Variants in MAEA observed in about 807,000 individuals in gnomAD.
MAEA encodes E3 ubiquitin-protein transferase MAEA.
MAEA carries 22 observed loss-of-function variants against 46.2 expected under a neutral mutation model. That is an observed-to-expected ratio of 0.48 (90% CI 0.34 to 0.68). The LOEUF is 0.68. Ranked by LOEUF, MAEA falls within the 30% of genes least tolerant of loss-of-function variation. MAEA has a pLI of 0.01. For synonymous variants in MAEA, 246 were observed against 222.6 expected (o/e 1.11, Z -0.94); for missense variants, 393 against 558.1 (o/e 0.70, Z 2.98).
chr4:1,335,036 TC>T, intron 6 of MAEA: 1 of 985,296 alleles, frequency 1.0e-6, no homozygotes, highest in Non-Finnish European at 1.2e-6. Flanking sequence ...TGTGGCCGTC[TC>T]CCCCCAAGCT....
rs184644176 is a variant in MAEA at position 1,311,565 on chromosome 4, C to T, written c.70-414C>T. Among the ~76,000 whole-genome samples the T allele has an allele frequency of 1.3e-5, 2 of 152,144 alleles. No individual in the cohort carries two copies. Among genetic ancestry groups the T allele is most frequent in the East Asian group, 1.9e-4 (1 of 5,172 alleles). On this transcript the variant is annotated intron_variant, in intron 1 of 8. Transcript: ENST00000303400. This position sits in a 1 kb window ranked among gnomAD's most constrained non-coding sequence, Gnocchi z 4.4. ...CGCCCCATGCACCCTTGTCCCTGCC[C>T]GGCCTGGCCTCGTGTGGTGGCGCCT...
At chr4:1,308,902 A>G (rs1245900092) in intron 1 of MAEA, among the ~76,000 whole-genome samples, 1 of 152,108 alleles carries the variant, frequency 6.6e-6, no homozygotes, top group Non-Finnish European at 1.5e-5. Flanking sequence ...AGTTTGATGT[A>G]GTCCCATTTG....
intron 3 of MAEA, among the ~76,000 whole-genome samples, chr4:1,321,777 C>T (rs891610640): frequency 6.6e-6 from 1 of 152,154 alleles, no homozygotes; most frequent in African/African-American, 2.4e-5. Flanking sequence ...TGCCAGAGAC[C>T]ATGGGTTCCA....
In MAEA at chr4:1,311,036, C is replaced by T. The variant is rs976367478; in HGVS notation, c.70-943C>T. ...CACGAGGTCGAGGCGTGCCCAGGGC[C>T]GGGGGAGCAGGCGGTACCCGAGAGT... is the stretch of plus-strand genomic sequence containing the variant. On this transcript the variant is annotated intron_variant, in intron 1 of 8. Coordinates refer to ENST00000303400, the MANE Select transcript of MAEA (RefSeq NM_001017405.3). This position sits in a 1 kb window ranked among gnomAD's most constrained non-coding sequence, Gnocchi z 4.4. Among the ~76,000 whole-genome samples the T allele has an allele frequency of 4.7e-5, 7 of 149,084 alleles. No homozygotes were observed. The highest frequency in any genetic ancestry group is 4.3e-4 in the South Asian group (2 of 4,666).
intron 5 of MAEA, chr4:1,328,949 G>A (rs916433097): frequency 3.9e-5 from 39 of 991,922 alleles, no homozygotes; most frequent in Non-Finnish European, 4.6e-5. Context: ...GCGGGGACAC[G>A]GCCAGGGGCC....
At chr4:1,298,580 G>A (rs1474863481) in intron 1 of MAEA, among the ~76,000 whole-genome samples, 1 of 152,228 alleles carries the variant, frequency 6.6e-6, no homozygotes, top group Non-Finnish European at 1.5e-5. Flanking sequence ...AGACACTGCT[G>A]AGACCCATGA....
At chr4:1,300,786 G>C (rs1264911737) in intron 1 of MAEA, among the ~76,000 whole-genome samples, 1 of 152,258 alleles carries the variant, frequency 6.6e-6, no homozygotes, top group African/African-American at 2.4e-5. Context: ...TGCGAGCTTT[G>C]TAGGGCGCAA....
rs78057925 is a variant in MAEA, at chr4:1,293,210, G to GT, written c.69+3239dup. ...CCTTGCTTTCATTATTTTGTAAAAGGTTTTTTTTTTTCTGATTATAAAAGT... is the reference window on the plus strand; with the variant it reads ...CCTTGCTTTCATTATTTTGTAAAAGGTTTTTTTTTTTTCTGATTATAAAAGT... On this transcript the variant is annotated intron_variant, in intron 1 of 8. Transcript: ENST00000303400. Among the ~76,000 whole-genome samples, 273 of 147,684 alleles carry GT rather than the reference G, an allele frequency of 1.8e-3. 1 individual carries two copies. Among genetic ancestry groups the GT allele is most frequent in the Middle Eastern group, 3.5e-3 (1 of 286 alleles).
chr4:1,298,003 A>G (rs2293635), intron 1 of MAEA: 179,889 of 455,536 alleles, frequency 0.39, 39,304 homozygotes, highest in Non-Finnish European at 0.47. Flanking sequence ...TGCACTGGCC[A>G]CAGAAGCCGC....
intron 8 of MAEA, 169 bp downstream of exon 8, chr4:1,338,786 AG>A (rs1713150103): frequency 1.4e-6 from 1 of 700,914 alleles, no homozygotes; most frequent in African/African-American, 1.9e-5. Flanking sequence ...CCATCGGGAC[AG>A]GGCTGTGTGG....
intron 1 of MAEA, chr4:1,309,398 C>T: frequency 7.9e-7 from 1 of 1,259,530 alleles, no homozygotes; most frequent in Non-Finnish European, 1.0e-6. Context: ...GGCCCGGAGT[C>T]ACGTGCTGAG....
chr4:1,333,194 T>C (rs1209288885), intron 6 of MAEA, among the ~76,000 whole-genome samples: 2 of 151,834 alleles, frequency 1.3e-5, no homozygotes, highest in African/African-American at 4.8e-5. Context: ...TTTTGAAAAT[T>C]AGCTGGGCAT....
At chr4:1,323,488 C>G (rs1560369666) in intron 4 of MAEA, 1 of 702,556 alleles carries the variant, frequency 1.4e-6, no homozygotes, top group African/African-American at 1.7e-5. Context: ...GACACACTGC[C>G]ACTCAGGGCC....
chr4:1,324,325 G>A (rs1230267951), intron 4 of MAEA, among the ~76,000 whole-genome samples: 1 of 148,514 alleles, frequency 6.7e-6, no homozygotes, highest in Non-Finnish European at 1.5e-5. Flanking sequence ...AGATTGGTTT[G>A]GATGAAGTTG....
In MAEA at chr4:1,332,956, G is replaced by A. The variant is rs541654466; in HGVS notation, c.765+91G>A. The A allele has an allele frequency of 1.1e-5, 10 of 918,910 alleles. No homozygotes were observed. In the East Asian group the frequency reaches 2.7e-4, roughly 24 times the overall value. 56.9% of individuals were successfully genotyped at this position (918,910 alleles called of 1,614,324 possible). A position where few individuals can be genotyped will look rare whatever the true frequency, so the allele number is the denominator to read the frequency against. Reference sequence around the variant, plus strand: ...GTAGCTGCTTCCACACGTGGGGCGGGACGTGAGGGCCCCATCCCAGCCACA... The same window carrying A: ...GTAGCTGCTTCCACACGTGGGGCGGAACGTGAGGGCCCCATCCCAGCCACA... On this transcript the variant is annotated intron_variant, in intron 6 of 8. Transcript: ENST00000303400.
intron 3 of MAEA, among the ~76,000 whole-genome samples, chr4:1,317,416 C>T (rs1319017633): frequency 1.3e-5 from 2 of 151,416 alleles, no homozygotes; most frequent in East Asian, 3.9e-4. Context: ...CCACCTGGCC[C>T]CACCCTCTTG....
At chr4:1,327,950 C>T (rs561502608) in intron 5 of MAEA, among the ~76,000 whole-genome samples, 21 of 152,286 alleles carry the variant, frequency 1.4e-4, no homozygotes, top group Middle Eastern at 3.4e-3. Context: ...TCCAGACCCC[C>T]GTGGCTGCCA....
intron 1 of MAEA, chr4:1,298,003 A>C: frequency 2.2e-6 from 1 of 455,554 alleles, no homozygotes; most frequent in Non-Finnish European, 4.4e-6. Context: ...TGCACTGGCC[A>C]CAGAAGCCGC....
chr4:1,315,585 C>T lies in MAEA; in HGVS notation c.441C>T (p.Arg147=), dbSNP rs1267505533. Residue 147 remains arginine (R), a synonymous_variant, in exon 3 of 9, where the codon CGC becomes CGT. Coordinates refer to ENST00000303400, the MANE Select transcript of MAEA (RefSeq NM_001017405.3). ...ACAACACGGCTGTCAAGCTGGCGCG[C>T]CAGAGCGGCATCGAGGTGGGTGCCC... is the stretch of plus-strand genomic sequence containing the variant. ...GYYNTAVKLA[R]QSGIEDLVNI... 1 of 1,613,112 alleles carries T rather than the reference C, an allele frequency of 6.2e-7. No individual in the cohort carries two copies. The highest frequency in any genetic ancestry group is 1.1e-5 in the South Asian group (1 of 91,074).
Sources: gnomAD v4.1 joint callset for allele counts (sites outside exome capture counted in the v4.1 genomes callset) on GRCh38, gnomAD v4.1.1 for gene constraint, Gnocchi (gnomAD v3.1) non-coding constraint, MANE v1.5 for transcripts, NCBI Gene and HGNC (gene_info 2026-07-23, HGNC 2026-07-21) for gene names.